The following FSIP1 variants were observed in gnomAD, a reference collection of about 807,000 sequenced individuals.
FSIP1 encodes the protein fibrous sheath-interacting protein 1.
In FSIP1, 65 loss-of-function variants were observed where a neutral mutation model predicts 60.9. That is an observed-to-expected ratio of 1.07 (90% CI 0.87 to 1.31). The LOEUF (loss-of-function observed/expected upper bound fraction) is 1.31, where lower values mean the gene tolerates loss of function less well. FSIP1 is among the 40% of genes most tolerant of loss of function. The pLI, the probability that FSIP1 is intolerant of heterozygous loss-of-function variation, is 0.00. For synonymous variants in FSIP1, 209 were observed against 221.2 expected (o/e 0.94, Z 0.49); for missense variants, 675 against 665.5 (o/e 1.01, Z -0.16).
chr15:39,657,186 T>C (rs1467073549), intron 10 of FSIP1, among the ~76,000 whole-genome samples: 2 of 152,210 alleles, frequency 1.3e-5, no homozygotes, highest in Non-Finnish European at 2.9e-5. Context: ...TCACTCTCCA[T>C]GTGAGAGACC....
At chr15:39,767,670 A>T (rs189446249) in intron 3 of FSIP1, among the ~76,000 whole-genome samples, 1 of 152,330 alleles carries the variant, frequency 6.6e-6, no homozygotes, top group East Asian at 1.9e-4. Context: ...GGAACACACC[A>T]GCAGACACTG....
chr15:39,732,461 A>T (rs1175952049), intron 8 of FSIP1, among the ~76,000 whole-genome samples: 2 of 152,058 alleles, frequency 1.3e-5, no homozygotes, highest in Admixed American at 6.5e-5. Context: ...CTCTACTAAA[A>T]ATACAAAATT....
intron 10 of FSIP1, among the ~76,000 whole-genome samples, chr15:39,646,956 TAAAC>T (rs1005077768): frequency 1.3e-5 from 2 of 152,102 alleles, no homozygotes; most frequent in African/African-American, 4.8e-5. Context: ...CTAAGTGAAA[TAAAC>T]CAGACACAGA....
At chr15:39,753,646 A>G (rs1897226450) in intron 5 of FSIP1, among the ~76,000 whole-genome samples, 1 of 152,144 alleles carries the variant, frequency 6.6e-6, no homozygotes. Context: ...ATTTAAATAT[A>G]TATTGAAATG....
intron 5 of FSIP1, among the ~76,000 whole-genome samples, chr15:39,755,795 T>A (rs1336165236): frequency 6.6e-6 from 1 of 152,138 alleles, no homozygotes; most frequent in East Asian, 1.9e-4. Context: ...TGCATTTCTA[T>A]ATTTGGAGCT....
chr15:39,769,020 C>G (rs1254554771), intron 3 of FSIP1, among the ~76,000 whole-genome samples: 1 of 152,208 alleles, frequency 6.6e-6, no homozygotes, highest in Non-Finnish European at 1.5e-5. Context: ...TGGCTCACGC[C>G]TGTAATCCCA....
intron 10 of FSIP1, among the ~76,000 whole-genome samples, chr15:39,655,036 AT>A (rs1167661454): frequency 1.3e-5 from 2 of 152,196 alleles, no homozygotes; most frequent in Non-Finnish European, 2.9e-5. Flanking sequence ...GGCATTCTCT[AT>A]TTCTCATCAC....
intron 10 of FSIP1, among the ~76,000 whole-genome samples, chr15:39,667,747 G>A (rs1193282923): frequency 6.6e-6 from 1 of 152,092 alleles, no homozygotes; most frequent in Non-Finnish European, 1.5e-5. Context: ...TACACCAAGT[G>A]GAAGTTAACC....
intron 11 of FSIP1, among the ~76,000 whole-genome samples, chr15:39,614,069 G>A (rs1891129597): frequency 6.6e-6 from 1 of 151,972 alleles, no homozygotes; most frequent in South Asian, 2.1e-4. Context: ...AGTACTTAAT[G>A]TCCTGGCCAG....
At chr15:39,758,863 T>C (rs1470939682) in intron 5 of FSIP1, among the ~76,000 whole-genome samples, 1 of 151,924 alleles carries the variant, frequency 6.6e-6, no homozygotes, top group African/African-American at 2.4e-5. Context: ...TGGAATAAAA[T>C]AGAAAATCTG....
intron 8 of FSIP1, among the ~76,000 whole-genome samples, chr15:39,737,154 G>T (rs1320763687): frequency 2.0e-5 from 3 of 152,150 alleles, no homozygotes; most frequent in Admixed American, 6.5e-5. Context: ...TTTCTTCACA[G>T]AAGCAAAGGA....
intron 5 of FSIP1, among the ~76,000 whole-genome samples, chr15:39,761,770 G>A (rs903182284): frequency 9.2e-5 from 14 of 152,278 alleles, no homozygotes; most frequent in African/African-American, 2.9e-4. Context: ...ATGGATAGGC[G>A]AATTAGCTTG....
chr15:39,646,853 A>T (rs997566520), intron 10 of FSIP1, among the ~76,000 whole-genome samples: 1 of 152,208 alleles, frequency 6.6e-6, no homozygotes, highest in African/African-American at 2.4e-5. Flanking sequence ...GGATACAGAA[A>T]CTGTGATATA....
intron 10 of FSIP1, among the ~76,000 whole-genome samples, chr15:39,707,877 G>A (rs1342291330): frequency 6.6e-6 from 1 of 152,118 alleles, no homozygotes; most frequent in Non-Finnish European, 1.5e-5. Flanking sequence ...AATAGGACCA[G>A]GGAAATGATT....
chr15:39,773,388 T>C (rs555300459), intron 2 of FSIP1, among the ~76,000 whole-genome samples: 100 of 152,356 alleles, frequency 6.6e-4, no homozygotes, highest in Admixed American at 4.1e-3. Context: ...TTGCTTTCAA[T>C]ATAAGTGCCA....
At chr15:39,686,503 A>G (rs1894378915) in intron 10 of FSIP1, among the ~76,000 whole-genome samples, 1 of 152,268 alleles carries the variant, frequency 6.6e-6, no homozygotes, top group Non-Finnish European at 1.5e-5. Context: ...CAGTATTACA[A>G]TGTAGAACTG....
intron 10 of FSIP1, among the ~76,000 whole-genome samples, chr15:39,620,667 C>G (rs906959938): frequency 6.6e-6 from 1 of 151,088 alleles, no homozygotes; most frequent in African/African-American, 2.4e-5. Flanking sequence ...TCGTGGCTCA[C>G]TGCAACCTCT....
rs569916163 is a variant in FSIP1 at position 39,723,289 on chromosome 15, C to T, written c.1050+3300G>A. Among the ~76,000 whole-genome samples, 9 of 152,248 alleles carry T rather than the reference C, an allele frequency of 5.9e-5. No individual in the cohort carries two copies. The East Asian group carries it at 9.7e-4, about 16-fold the overall frequency. ...TGTCCTCCAGGCTGGAGTACAGTGGCGCGATCTTGGCTCACTGCAAGCTCT... is the reference window on the plus strand; with the variant it reads ...TGTCCTCCAGGCTGGAGTACAGTGGTGCGATCTTGGCTCACTGCAAGCTCT... On this transcript the variant is annotated intron_variant, in intron 9 of 11. Coordinates refer to ENST00000350221, the MANE Select transcript of FSIP1 (RefSeq NM_152597.5).
intron 10 of FSIP1, among the ~76,000 whole-genome samples, chr15:39,688,663 T>A (rs2140500025): frequency 6.6e-6 from 1 of 152,290 alleles, no homozygotes; most frequent in South Asian, 2.1e-4. Context: ...AAATATCTAT[T>A]TTTATTCCAG....
Sources: gnomAD v4.1 joint callset for allele counts (sites outside exome capture counted in the v4.1 genomes callset) on GRCh38, gnomAD v4.1.1 for gene constraint, MANE v1.5 for transcripts, NCBI Gene and HGNC (gene_info 2026-07-23, HGNC 2026-07-21) for gene names.